PCDHA6: variants seen among roughly 807,000 people sequenced by gnomAD.
The protein encoded by PCDHA6 is protocadherin alpha-6.
Under a neutral mutation model 60.3 loss-of-function variants are expected in PCDHA6, and 55 were observed. That is an observed-to-expected ratio of 0.91 (90% CI 0.73 to 1.14). The LOEUF (loss-of-function observed/expected upper bound fraction) is 1.14. Among genes scored for constraint, PCDHA6 ranks in the 50% most tolerant of loss-of-function variants. PCDHA6 has a pLI of 0.00. For synonymous variants in PCDHA6, 652 were observed against 557.9 expected (o/e 1.17, Z -2.38); for missense variants, 1,327 against 1,256.5 (o/e 1.06, Z -0.85).
At chr5:140,920,481 G>T (rs2079651233) in intron 1 of PCDHA6, among the ~76,000 whole-genome samples, 1 of 151,886 alleles carries the variant, frequency 6.6e-6, no homozygotes, top group Non-Finnish European at 1.5e-5. Context: ...TATGTTTTTG[G>T]TCCAACAATA....
intron 1 of PCDHA6, among the ~76,000 whole-genome samples, chr5:140,844,278 G>A (rs1324463534): frequency 6.7e-6 from 1 of 149,048 alleles, no homozygotes; most frequent in Non-Finnish European, 1.5e-5. Context: ...CAGAATGATA[G>A]TGTTTTTCAA....
At position 140,868,819 on chromosome 5, in the gene PCDHA6, G is replaced by A. The variant is rs2050665181; in HGVS notation, c.2394+38334G>A. The A allele has an allele frequency of 7.5e-5, 29 of 388,032 alleles. No individual in the cohort carries two copies. In the East Asian group the frequency reaches 1.2e-3, roughly 16 times the overall value. The allele number at this position is 388,032 out of a possible 1,614,324, so 24.0% of individuals were successfully genotyped here. On this transcript the variant is annotated intron_variant, in intron 1 of 3. Transcript: ENST00000529310. ...ATAAATAAGCACGTTGGAAATATTT[G>A]GGGGAAGAAACCCAAAACACGTGAA...
chr5:140,977,122 AG>A (rs2096747423), intron 1 of PCDHA6, among the ~76,000 whole-genome samples: 1 of 152,226 alleles, frequency 6.6e-6, no homozygotes, highest in South Asian at 2.1e-4. Flanking sequence ...TAATGAACTG[AG>A]TTTCCTGGTC....
intron 1 of PCDHA6, chr5:140,869,778 C>G (rs782226363): frequency 6.2e-7 from 1 of 1,612,924 alleles, no homozygotes. Flanking sequence ...TTACTGGCAC[C>G]GTTCGGCTGT....
intron 2 of PCDHA6, among the ~76,000 whole-genome samples, chr5:140,979,939 T>A (rs2096870929): frequency 6.6e-6 from 1 of 152,210 alleles, no homozygotes; most frequent in African/African-American, 2.4e-5. Context: ...ATGTGTAGAG[T>A]TAATGTGAAA....
Position 140,857,664 on chromosome 5 carries a change from G to C in PCDHA6, c.2394+27179G>C, listed in dbSNP as rs201104305. Reference sequence around the variant, plus strand: ...CAGTTCCAGGTGAGCGCGCGCGATGGGGGCGTGCCGCCTCTGGGCAGCAAC... The same window carrying C: ...CAGTTCCAGGTGAGCGCGCGCGATGCGGGCGTGCCGCCTCTGGGCAGCAAC... On this transcript the variant is annotated intron_variant, in intron 1 of 3. Transcript: ENST00000529310. 3.7e-5 allele frequency: 59 copies of C among 1,591,986 alleles called. 7 individuals are homozygous for C. The highest frequency in any genetic ancestry group is 8.9e-5 in the East Asian group (4 of 44,792).
chr5:140,900,831 T>G (rs1554189475), intron 1 of PCDHA6, among the ~76,000 whole-genome samples: 1 of 152,198 alleles, frequency 6.6e-6, no homozygotes, highest in Non-Finnish European at 1.5e-5. Context: ...CCACCAACAA[T>G]GTACAAAGTT....
At chr5:140,942,351 G>GCAGTTAA (rs1563195355) in intron 1 of PCDHA6, among the ~76,000 whole-genome samples, 1 of 152,024 alleles carries the variant, frequency 6.6e-6, no homozygotes. Context: ...GGCGGAGGTT[G>GCAGTTAA]CAGTTAACGG....
intron 1 of PCDHA6, among the ~76,000 whole-genome samples, chr5:140,971,045 T>G (rs2096453995): frequency 6.6e-6 from 1 of 152,090 alleles, no homozygotes; most frequent in Non-Finnish European, 1.5e-5. Context: ...CGTAAAAGGG[T>G]TTAGCTTTAA....
intron 1 of PCDHA6, chr5:140,836,072 G>A (rs2150252005): frequency 6.2e-7 from 1 of 1,613,664 alleles, no homozygotes; most frequent in Non-Finnish European, 8.5e-7. Context: ...ACAACGCGCC[G>A]GCACTGCTGG....
chr5:141,003,308 A>C (rs2098118679), intron 3 of PCDHA6, among the ~76,000 whole-genome samples: 1 of 152,200 alleles, frequency 6.6e-6, no homozygotes, highest in Non-Finnish European at 1.5e-5. Context: ...TGAAGTGGCC[A>C]GCTACTTCCA....
chr5:140,918,496 A>G lies in PCDHA6; in HGVS notation c.2395-60453A>G, dbSNP rs79827125. Among the ~76,000 whole-genome samples the G allele has an allele frequency of 8.0e-3, 1,215 of 152,276 alleles. 6 individuals are homozygous for G. Among genetic ancestry groups the G allele is most frequent in the African/African-American group, 0.019 (784 of 41,558 alleles). On this transcript the variant is annotated intron_variant, in intron 1 of 3. Transcript: ENST00000529310. ...TCTCAAGGGGAATGCTTTGGATGGT[A>G]CCAATCCTTTTAAACTTATTGAGGA...
intron 1 of PCDHA6, among the ~76,000 whole-genome samples, chr5:140,948,711 C>CT (rs1443735728): frequency 6.8e-6 from 1 of 147,398 alleles, no homozygotes; most frequent in African/African-American, 2.7e-5. Context: ...GTTCTATCCT[C>CT]TTTTTTATCA....
rs1554225842 is a variant in PCDHA6 at position 140,962,164 on chromosome 5, C to T, written c.2395-16785C>T. Among the ~76,000 whole-genome samples the T allele has an allele frequency of 2.0e-5, 3 of 152,236 alleles. No individual in the cohort carries two copies. In the South Asian group the frequency reaches 6.2e-4, roughly 32 times the overall value. On this transcript the variant is annotated intron_variant, in intron 1 of 3. Transcript: ENST00000529310. ...TGCTGGGATTACAGGCGTGAGCCAC[C>T]ACACCCGGCCACTTATATCACTTTT...
intron 1 of PCDHA6, chr5:140,849,381 GA>G: frequency 6.6e-7 from 1 of 1,514,878 alleles, no homozygotes; most frequent in African/African-American, 1.5e-5. Flanking sequence ...GTTCCACATG[GA>G]CCCCTTAAGT....
intron 1 of PCDHA6, chr5:140,968,106 C>A: frequency 6.2e-7 from 1 of 1,614,134 alleles, no homozygotes; most frequent in Non-Finnish European, 8.5e-7. Flanking sequence ...GGGGGAATAC[C>A]GCAGCTCACA....
intron 1 of PCDHA6, chr5:140,926,908 G>A: frequency 6.4e-7 from 1 of 1,560,434 alleles, no homozygotes; most frequent in South Asian, 1.2e-5. Context: ...GGGCTGTGGG[G>A]TGGCAGTTTT....
At chr5:140,841,633 C>T in intron 1 of PCDHA6, 1 of 1,614,144 alleles carries the variant, frequency 6.2e-7, no homozygotes, top group Non-Finnish European at 8.5e-7. Flanking sequence ...AGTGCAGCAT[C>T]CACCTGGAGG....
At chr5:140,863,307 C>G in intron 1 of PCDHA6, 1 of 1,462,496 alleles carries the variant, frequency 6.8e-7, no homozygotes. Context: ...TCGCCATCTG[C>G]GTGGTGTCCA....
Sources: gnomAD v4.1 joint callset for allele counts (sites outside exome capture counted in the v4.1 genomes callset) on GRCh38, gnomAD v4.1.1 for gene constraint, MANE v1.5 for transcripts, NCBI Gene and HGNC (gene_info 2026-07-23, HGNC 2026-07-21) for gene names.